The following LCOR variants were observed in gnomAD, a reference collection of about 807,000 sequenced individuals.
LCOR encodes the protein ligand-dependent corepressor.
In LCOR, 14 loss-of-function variants were observed where a neutral mutation model predicts 64.4. The ratio of observed to expected loss-of-function variants is 0.22; its 90% confidence interval spans 0.14 to 0.34. The LOEUF (loss-of-function observed/expected upper bound fraction) is 0.34, where lower values mean the gene tolerates loss of function less well. Ranked by LOEUF, LCOR falls within the 10% of genes least tolerant of loss-of-function variation. The pLI is 1.00. For missense variants in LCOR, 1,686 were observed against 1,765.3 expected (o/e 0.96, Z 0.80); for synonymous variants, 643 against 642.5 (o/e 1.00, Z -0.01).
chr10:96,836,154 T>C (rs1845437548), intron 2 of LCOR, among the ~76,000 whole-genome samples: 1 of 152,248 alleles, frequency 6.6e-6, no homozygotes. Context: ...CCTAATTTCC[T>C]GAAATGTTCT....
At chr10:96,835,468 T>A (rs1430365971) in intron 2 of LCOR, among the ~76,000 whole-genome samples, 2 of 152,226 alleles carry the variant, frequency 1.3e-5, no homozygotes, top group Admixed American at 1.3e-4. Flanking sequence ...ATATTTTCTC[T>A]TTTATTATAT....
intron 2 of LCOR, among the ~76,000 whole-genome samples, chr10:96,881,434 T>A (rs1291640392): frequency 6.6e-6 from 1 of 151,728 alleles, no homozygotes; most frequent in Non-Finnish European, 1.5e-5. Flanking sequence ...CTTTGTGATA[T>A]AAAGAGATTT....
At chr10:96,924,943 C>T (rs909398634) in intron 4 of LCOR, among the ~76,000 whole-genome samples, 3 of 152,104 alleles carry the variant, frequency 2.0e-5, no homozygotes, top group Non-Finnish European at 4.4e-5. Flanking sequence ...TTTATATTCT[C>T]CCTTCTTAGT....
chr10:96,959,572 G>A (rs1288978201), intron 7 of LCOR: 3 of 152,078 alleles, frequency 2.0e-5, no homozygotes, highest in African/African-American at 7.2e-5. Flanking sequence ...TAGTCATCCA[G>A]CTTGATGGTA....
intron 2 of LCOR, among the ~76,000 whole-genome samples, chr10:96,864,978 G>C (rs1044751067): frequency 2.0e-5 from 3 of 152,140 alleles, no homozygotes; most frequent in African/African-American, 4.8e-5. Flanking sequence ...GGGGTGGATT[G>C]GAGTAATAGA....
intron 7 of LCOR, among the ~76,000 whole-genome samples, chr10:96,969,305 T>C (rs1325017359): frequency 6.6e-6 from 1 of 152,244 alleles, no homozygotes; most frequent in Non-Finnish European, 1.5e-5. Flanking sequence ...CTAAAAATAC[T>C]GGAATTGTGA....
chr10:96,859,326 C>T (rs1490146667), intron 2 of LCOR, among the ~76,000 whole-genome samples: 1 of 152,180 alleles, frequency 6.6e-6, no homozygotes, highest in Admixed American at 6.5e-5. Context: ...TCTCCTGCCT[C>T]AGCCTCCCAA....
intron 2 of LCOR, among the ~76,000 whole-genome samples, chr10:96,877,598 A>ATTTTTTTT (rs57119025): frequency 1.2e-4 from 8 of 65,680 alleles, no homozygotes; most frequent in Admixed American, 2.7e-4. Flanking sequence ...ATTTTTCTGA[A>ATTTTTTTT]TTTTTTTTTT....
intron 4 of LCOR, among the ~76,000 whole-genome samples, chr10:96,920,434 G>GTATATATGTATATACA (rs71007309): frequency 8.1e-6 from 1 of 124,002 alleles, no homozygotes; most frequent in Admixed American, 7.8e-5. Context: ...ATATATATGT[G>GTATATATGTATATACA]TATATATGTG....
chr10:96,941,248 C>A (rs1455260321), intron 4 of LCOR, among the ~76,000 whole-genome samples: 40 of 142,190 alleles, frequency 2.8e-4, no homozygotes, highest in Middle Eastern at 4.5e-3. Context: ...CTGACCCCCC[C>A]ACCTCCCTCC....
chr10:96,984,025 G>C lies in LCOR; in HGVS notation c.3565G>C (p.Glu1189Gln). 6.2e-7 allele frequency: 1 copy of C among 1,614,090 alleles called. No homozygotes were observed. The highest frequency in any genetic ancestry group is 8.5e-7 in the Non-Finnish European group (1 of 1,179,996). ...ATCTAATGTTTGTAAATGGTTCTTA[G>C]AGACAACTGAAACCCGGTCTCTAGT... ...KLSNVCKWFLETTETRSLVIV... is the reference protein window; with the variant it reads ...KLSNVCKWFLQTTETRSLVIV... The change falls in exon 8 of 8, where the codon GAG (glutamate) becomes CAG (glutamine). Residue 1189 changes from glutamate (E) to glutamine (Q), a missense_variant. By Grantham distance (29) the Glu-to-Gln change is conservative. Transcript: ENST00000421806.
At position 96,981,980 on chromosome 10, in the gene LCOR, A is replaced by G. The variant is rs757379332; in HGVS notation, c.1520A>G (p.Asn507Ser). 29 of 1,613,990 alleles carry G rather than the reference A, an allele frequency of 1.8e-5. No individual in the cohort carries two copies. The highest frequency in any genetic ancestry group is 7.7e-5 in the South Asian group (7 of 91,086). Residue 507 changes from asparagine (N) to serine (S), a missense_variant, in exon 8 of 8, where the codon AAT becomes AGT. Asn to Ser is a conservative substitution (Grantham distance 46). This residue lies in a region of LCOR where 1,293 missense variants were observed against 1,410.4 expected (regional missense o/e 0.92). Coordinates refer to ENST00000421806, the MANE Select transcript of LCOR (RefSeq NM_001346516.2). Reference sequence around the variant, plus strand: ...AAGAGTACTCGAGGATACTTTTTCAATGGTGACTGTTGTGAGCTGCCAACT... The same window carrying G: ...AAGAGTACTCGAGGATACTTTTTCAGTGGTGACTGTTGTGAGCTGCCAACT... Reference protein sequence around the residue: ...ARKSTRGYFFNGDCCELPTVR... With the variant: ...ARKSTRGYFFSGDCCELPTVR...
intron 2 of LCOR, among the ~76,000 whole-genome samples, chr10:96,852,353 C>T (rs543917830): frequency 2.0e-5 from 3 of 152,202 alleles, no homozygotes; most frequent in Middle Eastern, 3.4e-3. Context: ...GCCCAGGAGG[C>T]GGAGGTTGCA....
intron 2 of LCOR, among the ~76,000 whole-genome samples, chr10:96,873,318 T>C (rs1339897825): frequency 6.6e-6 from 1 of 152,148 alleles, no homozygotes; most frequent in Non-Finnish European, 1.5e-5. Flanking sequence ...GTCATTGGGA[T>C]CTTTTTAACT....
chr10:96,834,528 TAGA>T (rs1432638538), intron 2 of LCOR, among the ~76,000 whole-genome samples: 2 of 152,198 alleles, frequency 1.3e-5, no homozygotes, highest in African/African-American at 2.4e-5. Context: ...CGGACTATCA[TAGA>T]AGAGAGCATA....
intron 4 of LCOR, among the ~76,000 whole-genome samples, chr10:96,930,105 C>T (rs1304508509): frequency 6.6e-6 from 1 of 152,128 alleles, no homozygotes; most frequent in Non-Finnish European, 1.5e-5. Flanking sequence ...CAAGTGGTGT[C>T]ACCATATGCT....
At chr10:96,918,767 G>A (rs1214943607) in intron 4 of LCOR, among the ~76,000 whole-genome samples, 2 of 152,202 alleles carry the variant, frequency 1.3e-5, no homozygotes, top group Non-Finnish European at 2.9e-5. Flanking sequence ...ATGAATGCCT[G>A]AATATAAGAA....
chr10:96,856,825 G>T (rs1437851692), intron 2 of LCOR, among the ~76,000 whole-genome samples: 2 of 147,390 alleles, frequency 1.4e-5, no homozygotes, highest in African/African-American at 5.0e-5. Context: ...CAGCAGAAAA[G>T]AAATAGCTCA....
chr10:96,983,431 G>A lies in LCOR; in HGVS notation c.2971G>A (p.Val991Met), dbSNP rs755931771. ...HIPTQHVEEA[V>M]NEVDNENTQQ... is the part of the protein sequence containing the mutation. ...TCCCACACAGCATGTGGAGGAGGCT[G>A]TGAATGAGGTAGACAACGAAAACAC... The change falls in exon 8 of 8, where the codon GTG becomes ATG. Residue 991 changes from valine (V) to methionine (M), a missense_variant. By Grantham distance (21) the Val-to-Met change is conservative. This residue lies in a region of LCOR where 1,293 missense variants were observed against 1,410.4 expected (regional missense o/e 0.92). Coordinates refer to ENST00000421806, the MANE Select transcript of LCOR (RefSeq NM_001346516.2). The surrounding 1 kb of genome is among the most constrained non-coding windows in gnomAD (Gnocchi z 4.5). The A allele has an allele frequency of 1.9e-6, 3 of 1,614,238 alleles. No homozygotes were observed. Among genetic ancestry groups the A allele is most frequent in the South Asian group, 1.1e-5 (1 of 91,086 alleles).
Sources: allele counts gnomAD v4.1 joint callset (sites outside exome capture counted in the v4.1 genomes callset), GRCh38; gene constraint gnomAD v4.1.1; regional missense constraint gnomAD v4.1.1; non-coding constraint Gnocchi (gnomAD v3.1); transcripts MANE v1.5; gene names NCBI Gene and HGNC (gene_info 2026-07-23, HGNC 2026-07-21).